SMYD3: variants seen among roughly 807,000 people sequenced by gnomAD.
SMYD3 encodes the protein histone-lysine N-methyltransferase SMYD3.
In SMYD3, 36 loss-of-function variants were observed where a neutral mutation model predicts 57.7. The ratio of observed to expected loss-of-function variants is 0.62; its 90% CI spans 0.48 to 0.82. The LOEUF is 0.82. Ranked by LOEUF, SMYD3 falls within the 40% of genes least tolerant of loss-of-function variation. The pLI is 0.00. For synonymous variants in SMYD3, 211 were observed against 195.0 expected, an observed-to-expected ratio of 1.08 and a Z score of -0.68; for missense variants, 515 against 538.8, an observed-to-expected ratio of 0.96 and a Z score of 0.44.
At position 246,147,324 on chromosome 1, in the gene SMYD3, T is replaced by C. The variant is rs535685764; in HGVS notation, c.531+179877A>G. ...CTCCGGGGAGTCATGTCAGGAGCCA[T>C]AGGTCCAGCCAGGGGAGCAGCCCTC... On this transcript the variant is annotated intron_variant, in intron 5 of 11. Transcript: ENST00000490107. Among the ~76,000 whole-genome samples, 8 of 152,278 alleles carry C rather than the reference T, an allele frequency of 5.3e-5. No individual in the cohort carries two copies. In the South Asian group the frequency reaches 1.0e-3, roughly 20 times the overall value.
At chr1:245,926,295 CAA>C (rs1305697543) in intron 7 of SMYD3, among the ~76,000 whole-genome samples, 7 of 152,132 alleles carry the variant, frequency 4.6e-5, no homozygotes, top group Admixed American at 1.3e-4. Context: ...AACATTAAGA[CAA>C]AGAGACACAG....
rs188770252 is a variant in SMYD3, at chr1:245,793,257, C to T, written c.1077-29108G>A. 4.2e-4 allele frequency among the ~76,000 whole-genome samples: 64 copies of T among 151,592 alleles called. 1 individual carries two copies. In the East Asian group the frequency reaches 8.6e-3, roughly 20 times the overall value. On this transcript the variant is annotated intron_variant, in intron 10 of 11. Coordinates refer to ENST00000490107, the MANE Select transcript of SMYD3 (RefSeq NM_001167740.2). ...CCAGGAGACGGAGCTTGAAGTGAGC[C>T]GAGATCGTGCCACTGCACTCCAGCT...
chr1:246,233,804 A>G (rs2063466085), intron 5 of SMYD3, among the ~76,000 whole-genome samples: 2 of 129,404 alleles, frequency 1.5e-5, no homozygotes, highest in African/African-American at 2.9e-5. Context: ...TGTGATGAAC[A>G]TATACCACAC....
chr1:245,772,703 T>A (rs1028639159), intron 10 of SMYD3, among the ~76,000 whole-genome samples: 2 of 152,172 alleles, frequency 1.3e-5, no homozygotes, highest in African/African-American at 4.8e-5. Context: ...GTTTTCTTAC[T>A]CTTATTAGTT....
chr1:246,383,263 T>C (rs1336214151), intron 1 of SMYD3, among the ~76,000 whole-genome samples: 1 of 152,244 alleles, frequency 6.6e-6, no homozygotes, highest in Non-Finnish European at 1.5e-5. Context: ...CAGCTGGGAA[T>C]GCATTTGAAT....
At chr1:246,023,161 A>G (rs1209024825) in intron 5 of SMYD3, among the ~76,000 whole-genome samples, 1 of 152,174 alleles carries the variant, frequency 6.6e-6, no homozygotes, top group Non-Finnish European at 1.5e-5. Flanking sequence ...GTGAATGAGA[A>G]CAGCTAAGAG....
intron 5 of SMYD3, among the ~76,000 whole-genome samples, chr1:246,158,982 A>C (rs570223459): frequency 6.6e-6 from 1 of 152,254 alleles, no homozygotes; most frequent in Non-Finnish European, 1.5e-5. Context: ...AGATATTTTC[A>C]GATAATGTTC....
At chr1:246,081,456 G>A (rs1421806780) in intron 5 of SMYD3, among the ~76,000 whole-genome samples, 1 of 152,000 alleles carries the variant, frequency 6.6e-6, no homozygotes, top group Non-Finnish European at 1.5e-5. Flanking sequence ...GCAGTGGTGT[G>A]ATCTTTGCTC....
intron 1 of SMYD3, among the ~76,000 whole-genome samples, chr1:246,390,939 T>C (rs533006151): frequency 8.6e-5 from 13 of 152,032 alleles, no homozygotes; most frequent in East Asian, 1.9e-4. Flanking sequence ...GCAAATGTAA[T>C]AGAAGAACAG....
At chr1:246,395,429 C>A (rs974318128) in intron 1 of SMYD3, among the ~76,000 whole-genome samples, 1 of 152,228 alleles carries the variant, frequency 6.6e-6, no homozygotes, top group Admixed American at 6.5e-5. Context: ...TTTCCTTCAG[C>A]CTGAGACAAA....
At chr1:246,140,228 C>G (rs546064939) in intron 5 of SMYD3, among the ~76,000 whole-genome samples, 19 of 152,282 alleles carry the variant, frequency 1.2e-4, no homozygotes, top group Admixed American at 6.5e-4. Context: ...TTCTGGGGAT[C>G]AGGACCTTTC....
rs750367446 is a variant in SMYD3 at position 246,462,251 on chromosome 1, ACAGTGCATCCTCCCG to A, written c.164+44788_164+44802del. On this transcript the variant is annotated intron_variant, in intron 1 of 11. Coordinates refer to ENST00000490107, the MANE Select transcript of SMYD3 (RefSeq NM_001167740.2). ...CATCCTCCCGCGGGGCCTGCTGGGT[ACAGTGCATCCTCCCG>A]CGGGGCCTGCTGGGTACAGTGCATC... Among the ~76,000 whole-genome samples, 393 of 81,482 alleles carry A rather than the reference ACAGTGCATCCTCCCG, an allele frequency of 4.8e-3. 3 individuals carry two copies. The highest frequency in any genetic ancestry group is 7.8e-3 in the Admixed American group (48 of 6,150). The allele number at this position is 81,482 out of a possible 152,430, so 53.5% of individuals were successfully genotyped here. A position where few individuals can be genotyped will look rare whatever the true frequency, so the allele number is the denominator to read the frequency against.
intron 5 of SMYD3, among the ~76,000 whole-genome samples, chr1:245,979,152 A>G (rs555479259): frequency 4.8e-4 from 73 of 152,312 alleles, no homozygotes; most frequent in African/African-American, 1.8e-3. Context: ...CTGTCATCAC[A>G]CAGAAATAGC....
At chr1:246,163,566 CT>C (rs971062057) in intron 5 of SMYD3, among the ~76,000 whole-genome samples, 2 of 151,634 alleles carry the variant, frequency 1.3e-5, no homozygotes, top group African/African-American at 4.8e-5. Context: ...CTGGTTGATT[CT>C]TTTTTTTTCC....
At chr1:246,119,101 G>T (rs1283310631) in intron 5 of SMYD3, among the ~76,000 whole-genome samples, 1 of 152,120 alleles carries the variant, frequency 6.6e-6, no homozygotes, top group African/African-American at 2.4e-5. Context: ...GCTCACTGCA[G>T]CCTCAAAATC....
intron 5 of SMYD3, among the ~76,000 whole-genome samples, chr1:246,229,258 C>A (rs1369929225): frequency 6.6e-6 from 1 of 152,018 alleles, no homozygotes; most frequent in Admixed American, 6.6e-5. Flanking sequence ...CTCATCTTAT[C>A]ATCCTGCAAT....
At chr1:246,462,507 T>C (rs1433700398) in intron 1 of SMYD3, among the ~76,000 whole-genome samples, 1 of 151,914 alleles carries the variant, frequency 6.6e-6, no homozygotes, top group Non-Finnish European at 1.5e-5. Context: ...AATGGAAGGG[T>C]CACACAGACC....
At chr1:245,855,829 C>T (rs2051210986) in intron 10 of SMYD3, among the ~76,000 whole-genome samples, 1 of 152,156 alleles carries the variant, frequency 6.6e-6, no homozygotes, top group Non-Finnish European at 1.5e-5. Flanking sequence ...AAAATTTAGC[C>T]AAGGTCAGGA....
intron 10 of SMYD3, among the ~76,000 whole-genome samples, chr1:245,818,395 C>A (rs1245467661): frequency 6.6e-6 from 1 of 152,034 alleles, no homozygotes; most frequent in Admixed American, 6.5e-5. Context: ...CTGAAGGAAG[C>A]GCTAAACATC....
Sources: allele counts gnomAD v4.1 joint callset (sites outside exome capture counted in the v4.1 genomes callset), GRCh38; gene constraint gnomAD v4.1.1; transcripts MANE v1.5; gene names NCBI Gene and HGNC (gene_info 2026-07-23, HGNC 2026-07-21).